The following ANO4 variants were observed in gnomAD, a reference collection of about 807,000 sequenced individuals.
ANO4 encodes anoctamin-4.
A neutral mutation model predicts 141.9 loss-of-function variants in ANO4; 69 were observed. The observed-to-expected ratio is 0.49, with a 90% CI of 0.40 to 0.59. ANO4 has a LOEUF of 0.59. Among genes scored for constraint, ANO4 ranks in the 20% least tolerant of loss-of-function variants. The pLI is 0.00. For synonymous variants in ANO4, 350 were observed against 394.3 expected, an observed-to-expected ratio of 0.89 and a Z score of 1.33; for missense variants, 894 against 1,162.2, an observed-to-expected ratio of 0.77 and a Z score of 3.36.
At chr12:101,096,689 G>T in intron 19 of ANO4, 42 bp downstream of exon 19, 1 of 1,467,694 alleles carries the variant, frequency 6.8e-7, no homozygotes, top group South Asian at 1.1e-5. Flanking sequence ...GCTGAGGACA[G>T]AACACTTAGA....
chr12:100,796,928 G>C (rs928991116), intron 1 of ANO4, among the ~76,000 whole-genome samples: 2 of 152,136 alleles, frequency 1.3e-5, no homozygotes, highest in Admixed American at 6.5e-5. Flanking sequence ...GTTAGAATCA[G>C]CTTGGGTGTC....
At chr12:101,062,495 C>T (rs1313812537) in intron 14 of ANO4, among the ~76,000 whole-genome samples, 2 of 152,196 alleles carry the variant, frequency 1.3e-5, no homozygotes, top group East Asian at 1.9e-4. Context: ...GCCACTGCTT[C>T]CCCCAGGTGC....
chr12:101,004,552 A>G (rs1299110079), intron 8 of ANO4, among the ~76,000 whole-genome samples: 3 of 152,194 alleles, frequency 2.0e-5, no homozygotes, highest in African/African-American at 7.2e-5. Flanking sequence ...AGAGCATATC[A>G]GAGAGACAGA....
Position 101,048,401 on chromosome 12 carries a change from G to A in ANO4, c.1312G>A (p.Ala438Thr), listed in dbSNP as rs778211653. 6.2e-7 allele frequency: 1 copy of A among 1,613,298 alleles called. No homozygotes were observed. Among genetic ancestry groups the A allele is most frequent in the Non-Finnish European group, 8.5e-7 (1 of 1,179,456 alleles). The change falls in exon 14 of 28, where the codon GCA becomes ACA. Residue 438 changes from alanine (A) to threonine (T), a missense_variant and splice_region_variant. Physicochemically the swap from Ala to Thr is moderately conservative, Grantham distance 58. Transcript: ENST00000392977. ...VFFAVFMAVW[A>T]TVFLEFWKRR... The stretch of plus-strand genomic sequence containing the variant: ...CTTTGCTGTTTTCATGGCAGTCTGG[G>A]GTAAGTGTTCTATAACCATAAAACT...
At chr12:100,754,359 G>T (rs969104011) in intron 3 of ANO4, among the ~76,000 whole-genome samples, 1 of 134,956 alleles carries the variant, frequency 7.4e-6, no homozygotes, top group Non-Finnish European at 1.6e-5. Context: ...CTTTCTTGCC[G>T]GGGCAGGGGT....
At chr12:100,877,679 A>G (rs1391582553) in intron 1 of ANO4, among the ~76,000 whole-genome samples, 1 of 151,762 alleles carries the variant, frequency 6.6e-6, no homozygotes, top group Admixed American at 6.6e-5. Flanking sequence ...GTGAATATCC[A>G]TTTGCTGTCA....
At chr12:100,981,597 A>G (rs1434567967) in intron 7 of ANO4, among the ~76,000 whole-genome samples, 3 of 152,222 alleles carry the variant, frequency 2.0e-5, no homozygotes, top group Non-Finnish European at 4.4e-5. Context: ...TGATGCTATT[A>G]TTATAATATT....
intron 3 of ANO4, among the ~76,000 whole-genome samples, chr12:100,746,448 G>A (rs1370667589): frequency 9.7e-6 from 1 of 102,906 alleles, no homozygotes; most frequent in Non-Finnish European, 2.5e-5. Context: ...GTGAGACTCT[G>A]TTATTAAAAA....
intron 5 of ANO4, among the ~76,000 whole-genome samples, chr12:100,963,486 G>T (rs966924522): frequency 5.3e-5 from 8 of 151,956 alleles, no homozygotes; most frequent in African/African-American, 1.9e-4. Flanking sequence ...CTGTGTGTGT[G>T]TGTCTGTGTG....
intron 14 of ANO4, among the ~76,000 whole-genome samples, chr12:101,054,039 G>A (rs553787788): frequency 3.5e-4 from 54 of 152,268 alleles, no homozygotes; most frequent in Admixed American, 3.9e-4. Flanking sequence ...AAAATATTAC[G>A]CAGAACTTGG....
rs2049516487 is a variant in ANO4 at position 101,086,686 on chromosome 12, C to T, written c.1563C>T (p.Phe521=). 1 of 1,613,690 alleles carries T rather than the reference C, an allele frequency of 6.2e-7. No homozygotes were observed. The highest frequency in any genetic ancestry group is 8.5e-7 in the Non-Finnish European group (1 of 1,179,780). Residue 521 remains phenylalanine (F), a synonymous_variant, in exon 17 of 28, where the codon TTC becomes TTT. Transcript: ENST00000392977. The part of the protein sequence containing the change: ...FMICVVIAAV[F]GIVIYRVVTV... The stretch of plus-strand genomic sequence containing the variant: ...TCTGCGTGGTGATTGCTGCCGTGTT[C>T]GGGATCGTCATTTACCGGGTGGTGA...
chr12:100,882,217 G>GT (rs1464812964), intron 1 of ANO4, among the ~76,000 whole-genome samples: 1 of 152,170 alleles, frequency 6.6e-6, no homozygotes, highest in Non-Finnish European at 1.5e-5. Context: ...ATTAGATCAA[G>GT]TTACGTACTT....
chr12:100,914,999 T>G (rs995403010), intron 2 of ANO4, among the ~76,000 whole-genome samples: 4 of 151,998 alleles, frequency 2.6e-5, no homozygotes, highest in Admixed American at 2.0e-4. Context: ...TTATATTTTT[T>G]TTTAGAGATG....
intron 8 of ANO4, among the ~76,000 whole-genome samples, chr12:100,992,246 C>T (rs2045161563): frequency 6.6e-6 from 1 of 152,182 alleles, no homozygotes; most frequent in African/African-American, 2.4e-5. Flanking sequence ...AAACTTTAGA[C>T]ACCAAAATTA....
At chr12:101,002,174 G>A (rs1368660305) in intron 8 of ANO4, among the ~76,000 whole-genome samples, 1 of 152,262 alleles carries the variant, frequency 6.6e-6, no homozygotes, top group South Asian at 2.1e-4. Context: ...TCCCAAATCT[G>A]TCTATCCCAC....
intron 1 of ANO4, among the ~76,000 whole-genome samples, chr12:100,731,583 T>C (rs1438566066): frequency 6.6e-6 from 1 of 152,224 alleles, no homozygotes; most frequent in African/African-American, 2.4e-5. Flanking sequence ...ATGACTTGTA[T>C]CCACCATTGC....
chr12:101,057,462 C>T (rs1424621972), intron 14 of ANO4, among the ~76,000 whole-genome samples: 2 of 152,106 alleles, frequency 1.3e-5, no homozygotes, highest in Non-Finnish European at 2.9e-5. Context: ...CTAATTTACA[C>T]TCCCACCAAA....
chr12:100,721,938 C>T (rs1267131710), intron 1 of ANO4, among the ~76,000 whole-genome samples: 1 of 151,412 alleles, frequency 6.6e-6, no homozygotes, highest in Non-Finnish European at 1.5e-5. Flanking sequence ...CTGCCTTGGC[C>T]TCTCAAATCC....
intron 15 of ANO4, among the ~76,000 whole-genome samples, chr12:101,082,100 C>T (rs776206682): frequency 3.9e-5 from 6 of 152,180 alleles, no homozygotes; most frequent in African/African-American, 7.2e-5. Context: ...TTAGTTGTAG[C>T]TCCCATAATC....
Sources: gnomAD v4.1 joint callset for allele counts (sites outside exome capture counted in the v4.1 genomes callset) on GRCh38, gnomAD v4.1.1 for gene constraint, MANE v1.5 for transcripts, NCBI Gene and HGNC (gene_info 2026-07-23, HGNC 2026-07-21) for gene names.